Variants in NELL1 observed in about 807,000 individuals in gnomAD.
NELL1 encodes neural EGFL like 1.
A neutral mutation model predicts 107.4 loss-of-function variants in NELL1; 76 were observed. That is an observed-to-expected ratio of 0.71 (90% confidence interval 0.59 to 0.86). The LOEUF is 0.86. Ranked by LOEUF, NELL1 falls within the 40% of genes least tolerant of loss-of-function variation. The pLI is 0.00. For missense variants in NELL1, 1,024 were observed against 1,005.5 expected (o/e 1.02, Z -0.25); for synonymous variants, 353 against 341.2 (o/e 1.03, Z -0.38).
At chr11:21,547,029 A>C (rs1159226270) in intron 16 of NELL1, among the ~76,000 whole-genome samples, 2 of 151,826 alleles carry the variant, frequency 1.3e-5, no homozygotes, top group African/African-American at 4.8e-5. Flanking sequence ...CAGTCTTTCC[A>C]GTCTGGAGTG....
chr11:21,006,215 T>C (rs1196512647), intron 12 of NELL1, among the ~76,000 whole-genome samples: 1 of 151,958 alleles, frequency 6.6e-6, no homozygotes, highest in Non-Finnish European at 1.5e-5. Flanking sequence ...TATTTAGAGG[T>C]GGAGGCTTTG....
chr11:20,754,327 T>A (rs1856210308), intron 2 of NELL1, among the ~76,000 whole-genome samples: 1 of 152,110 alleles, frequency 6.6e-6, no homozygotes. Context: ...TTAGGCAGAT[T>A]TATAGTTTAC....
intron 10 of NELL1, among the ~76,000 whole-genome samples, chr11:20,939,046 C>T (rs550036840): frequency 2.6e-5 from 4 of 151,378 alleles, no homozygotes; most frequent in Admixed American, 6.6e-5. Context: ...TGGAGGAGCA[C>T]CAGATTAATT....
chr11:21,475,036 T>C (rs887782894), intron 15 of NELL1, among the ~76,000 whole-genome samples: 1 of 152,094 alleles, frequency 6.6e-6, no homozygotes, highest in East Asian at 1.9e-4. Context: ...TAAATCCCTA[T>C]AGTGAGTCTC....
At chr11:20,892,950 G>C (rs1217643260) in intron 5 of NELL1, among the ~76,000 whole-genome samples, 1 of 143,638 alleles carries the variant, frequency 7.0e-6, no homozygotes, top group Non-Finnish European at 1.5e-5. Context: ...AAAAAAAACA[G>C]ACACATGTAC....
At chr11:20,935,438 G>T (rs971238555) in intron 9 of NELL1, among the ~76,000 whole-genome samples, 5 of 151,620 alleles carry the variant, frequency 3.3e-5, no homozygotes, top group Non-Finnish European at 7.4e-5. Flanking sequence ...GGAAGTGAGA[G>T]ATAAAGCATG....
At chr11:20,918,355 C>A (rs1484518506) in intron 6 of NELL1, 101 bp downstream of exon 6, 9 of 715,614 alleles carry the variant, frequency 1.3e-5, no homozygotes, top group Non-Finnish European at 2.0e-5. Flanking sequence ...ACAGTGTTGA[C>A]TTCTGAGGTG....
At chr11:21,069,370 C>T (rs1479164241) in intron 12 of NELL1, among the ~76,000 whole-genome samples, 1 of 152,138 alleles carries the variant, frequency 6.6e-6, no homozygotes, top group Non-Finnish European at 1.5e-5. Flanking sequence ...AAAATTGTTA[C>T]TCACAGTATC....
At chr11:21,503,027 A>C (rs1344905842) in intron 15 of NELL1, among the ~76,000 whole-genome samples, 2 of 152,072 alleles carry the variant, frequency 1.3e-5, no homozygotes, top group Non-Finnish European at 2.9e-5. Flanking sequence ...GGATACAGGC[A>C]TGTGCCACCA....
At chr11:21,465,954 C>A (rs1854019695) in intron 15 of NELL1, among the ~76,000 whole-genome samples, 1 of 152,044 alleles carries the variant, frequency 6.6e-6, no homozygotes, top group Admixed American at 6.6e-5. Flanking sequence ...AAGCTATACA[C>A]ACTACCTTTC....
rs563350383 is a variant in NELL1 at position 20,733,684 on chromosome 11, A to C, written c.185-49996A>C. 3.9e-5 allele frequency among the ~76,000 whole-genome samples: 6 copies of C among 152,344 alleles called. No homozygotes were observed. The South Asian group carries it at 1.0e-3, about 26-fold the overall frequency. On this transcript the variant is annotated intron_variant, in intron 2 of 19. Coordinates refer to ENST00000357134, the MANE Select transcript of NELL1 (RefSeq NM_006157.5). ...GACCAAGAGAATAAATTCCCTTATG[A>C]AGGTTGCATAAAATCAGAAGAGAGA...
At chr11:20,700,190 A>G (rs1022595393) in intron 2 of NELL1, among the ~76,000 whole-genome samples, 2 of 152,172 alleles carry the variant, frequency 1.3e-5, no homozygotes, top group African/African-American at 4.8e-5. Context: ...GATAATATGT[A>G]TTTCAATAGG....
At chr11:21,257,607 T>C (rs149190186) in intron 14 of NELL1, among the ~76,000 whole-genome samples, 1 of 152,120 alleles carries the variant, frequency 6.6e-6, no homozygotes, top group East Asian at 1.9e-4. Context: ...GGTGAACTCC[T>C]GAACATTCCA....
At chr11:21,016,921 T>C (rs1852578709) in intron 12 of NELL1, among the ~76,000 whole-genome samples, 1 of 152,124 alleles carries the variant, frequency 6.6e-6, no homozygotes, top group African/African-American at 2.4e-5. Flanking sequence ...GGCTCCACTT[T>C]TTATGAGCTA....
At chr11:21,123,966 TA>T (rs1855430191) in intron 13 of NELL1, among the ~76,000 whole-genome samples, 1 of 152,050 alleles carries the variant, frequency 6.6e-6, no homozygotes, top group Admixed American at 6.6e-5. Flanking sequence ...CTTCAAATAA[TA>T]AAAAATATGT....
At chr11:20,975,958 A>ATGTGTACATATATGTACATTC (rs1554953036) in intron 12 of NELL1, among the ~76,000 whole-genome samples, 1 of 102,668 alleles carries the variant, frequency 9.7e-6, no homozygotes, top group African/African-American at 3.5e-5. Context: ...TATGTACATT[A>ATGTGTACATATATGTACATTC]TATATACATT....
At chr11:20,976,015 T>G (rs946454508) in intron 12 of NELL1, among the ~76,000 whole-genome samples, 4 of 140,050 alleles carry the variant, frequency 2.9e-5, no homozygotes, top group Non-Finnish European at 4.5e-5. Flanking sequence ...ATACATTATA[T>G]CTGTACATAT....
In NELL1 at chr11:20,790,698, G is replaced by T. The variant is rs542774652; in HGVS notation, c.335+6868G>T. On this transcript the variant is annotated intron_variant, in intron 3 of 19. Transcript: ENST00000357134. ...GGTCTAGATCTGCAGCCATGACTTG[G>T]GCCCTGCTCCTGCCTGCTCTACGGG... Among the ~76,000 whole-genome samples, 80 of 152,258 alleles carry T rather than the reference G, an allele frequency of 5.3e-4. 1 individual carries two copies. The highest frequency in any genetic ancestry group is 1.8e-3 in the African/African-American group (75 of 41,562).
intron 14 of NELL1, among the ~76,000 whole-genome samples, chr11:21,366,466 T>C (rs936193944): frequency 3.0e-4 from 46 of 152,114 alleles, no homozygotes; most frequent in African/African-American, 1.0e-3. Flanking sequence ...GGGCCAGCTT[T>C]TATTTATTTA....
Sources: allele counts gnomAD v4.1 joint callset (sites outside exome capture counted in the v4.1 genomes callset), GRCh38; gene constraint gnomAD v4.1.1; transcripts MANE v1.5; gene names NCBI Gene and HGNC (gene_info 2026-07-23, HGNC 2026-07-21).